RPE65: variants seen among roughly 807,000 people sequenced by gnomAD.
The protein encoded by RPE65 is retinoid isomerohydrolase RPE65.
In RPE65, 58 loss-of-function variants were observed where a neutral mutation model predicts 68.5. The observed-to-expected ratio is 0.85, with a 90% CI of 0.69 to 1.05. RPE65 has a LOEUF of 1.05. Ranked by LOEUF, RPE65 falls within the 50% of genes least tolerant of loss-of-function variation. The pLI, the probability that RPE65 is intolerant of heterozygous loss-of-function variation, is 0.00. For missense variants in RPE65, 643 were observed against 629.9 expected (o/e 1.02, Z -0.22); for synonymous variants, 220 against 222.2 (o/e 0.99, Z 0.09).
chr1:68,435,882 T>A (rs1366661601), intron 10 of RPE65, among the ~76,000 whole-genome samples: 2 of 152,190 alleles, frequency 1.3e-5, no homozygotes, highest in Non-Finnish European at 2.9e-5. Context: ...ACGGGCTCCA[T>A]GAGAACTAGA....
rs1322959376 is a variant in RPE65, at chr1:68,446,679, G to T, written c.245+31C>A. On this transcript the variant is annotated intron_variant, in intron 3 of 13. Coordinates refer to ENST00000262340, the MANE Select transcript of RPE65 (RefSeq NM_000329.3). ...GGAGCCAAGCTAGGCCCTACTTTGA[G>T]GAGGAGGAGTGGCATGGAGTGCTGC... 2.5e-6 allele frequency: 4 copies of T among 1,613,690 alleles called. No individual in the cohort carries two copies. In the South Asian group the frequency reaches 4.4e-5, roughly 18 times the overall value.
rs1645824966 is a variant in RPE65 at position 68,431,383 on chromosome 1, A to C, written c.1244-7T>G. ...ATTTGAGGAAACTCAAATGCTACGA[A>C]ATAGAGCACATGCTTAGGAAAACTC... On this transcript the variant is annotated splice_polypyrimidine_tract_variant and splice_region_variant and intron_variant, in intron 11 of 13. Coordinates refer to ENST00000262340, the MANE Select transcript of RPE65 (RefSeq NM_000329.3). 1 of 1,613,618 alleles carries C rather than the reference A, an allele frequency of 6.2e-7. No individual in the cohort carries two copies. Among genetic ancestry groups the C allele is most frequent in the Non-Finnish European group, 8.5e-7 (1 of 1,179,762 alleles).
Position 68,444,668 on chromosome 1 carries a change from A to C in RPE65, c.358T>G (p.Phe120Val), listed in dbSNP as rs1478850590. Residue 120 changes from phenylalanine (F) to valine (V), a missense_variant, in exon 5 of 14, where the codon TTT becomes GTT. Phe to Val is a conservative substitution (Grantham distance 50). Transcript: ENST00000262340. The stretch of plus-strand genomic sequence containing the variant: ...ACCTCTACTCCTCGAAAGTAAGAAA[A>C]AAACCTGTAGAAACAAATGAATTTT... ...DPCKNIFSRF[F>V]SYFRGVEVTD... 6.2e-7 allele frequency: 1 copy of C among 1,614,210 alleles called. No individual in the cohort carries two copies. The highest frequency in any genetic ancestry group is 1.3e-5 in the African/African-American group (1 of 75,054).
Position 68,431,598 on chromosome 1 carries a change from A to T in RPE65, c.1129-13T>A, listed in dbSNP as rs374162988. 6 of 1,606,508 alleles carry T rather than the reference A, an allele frequency of 3.7e-6. No homozygotes were observed. In the African/African-American group the frequency reaches 6.7e-5, roughly 18 times the overall value. ...TGCCTGTGTCAGCCTAGGAGAGAAG[A>T]TAACAGAAACCTCAGTGAGCAGGAA... On this transcript the variant is annotated splice_polypyrimidine_tract_variant and intron_variant, in intron 10 of 13. Transcript: ENST00000262340.
intron 5 of RPE65, among the ~76,000 whole-genome samples, chr1:68,441,366 A>C (rs1645901084): frequency 6.6e-6 from 1 of 152,144 alleles, no homozygotes; most frequent in Non-Finnish European, 1.5e-5. Flanking sequence ...AAGATTGCTA[A>C]CATTTAATAA....
At chr1:68,441,081 T>C (rs1645899365) in intron 5 of RPE65, 81 bp from the exon 6 acceptor site, 1 of 1,509,204 alleles carries the variant, frequency 6.6e-7, no homozygotes, top group Non-Finnish European at 9.1e-7. Flanking sequence ...AGGTCATCAC[T>C]ACCCCTTGAA....
chr1:68,442,356 A>G (rs1645909604), intron 5 of RPE65, among the ~76,000 whole-genome samples: 1 of 152,192 alleles, frequency 6.6e-6, no homozygotes, highest in African/African-American at 2.4e-5. Context: ...TTGTGAAATA[A>G]TGTGTGCTGT....
chr1:68,433,166 A>G (rs1376782735), intron 10 of RPE65, among the ~76,000 whole-genome samples: 1 of 152,164 alleles, frequency 6.6e-6, no homozygotes. Context: ...AGTTTAAGAG[A>G]AAGCTAAAAA....
chr1:68,440,695 C>T (rs550226030), intron 6 of RPE65, among the ~76,000 whole-genome samples, 158 bp downstream of exon 6: 2 of 152,136 alleles, frequency 1.3e-5, no homozygotes, highest in South Asian at 2.1e-4. Context: ...GGCATTAGGC[C>T]CCTTATAGGG....
At chr1:68,443,699 C>T (rs756257590) in intron 5 of RPE65, among the ~76,000 whole-genome samples, 3 of 152,110 alleles carry the variant, frequency 2.0e-5, no homozygotes, top group Non-Finnish European at 4.4e-5. Context: ...TTAAAAGACT[C>T]GTCATATTCT....
In RPE65 at chr1:68,439,644, T is replaced by G. The variant is rs61752891; in HGVS notation, c.644-2A>C. Reference sequence around the variant, plus strand: ...ACTTGCTTATTGGATCTTCCTTGTCTGAAATAAAGTGGTTTTAAAAGGCTT... The same window carrying G: ...ACTTGCTTATTGGATCTTCCTTGTCGGAAATAAAGTGGTTTTAAAAGGCTT... On this transcript the variant is annotated splice_acceptor_variant, in intron 6 of 13. Coordinates refer to ENST00000262340, the MANE Select transcript of RPE65 (RefSeq NM_000329.3). LOFTEE classifies it high-confidence loss of function. 1.9e-6 allele frequency: 3 copies of G among 1,613,430 alleles called. No homozygotes were observed. The African/African-American group carries it at 4.0e-5, about 22-fold the overall frequency.
intron 10 of RPE65, among the ~76,000 whole-genome samples, chr1:68,432,446 G>T (rs1305660218): frequency 6.6e-6 from 1 of 152,154 alleles, no homozygotes; most frequent in Non-Finnish European, 1.5e-5. Flanking sequence ...AGGTGGCAGA[G>T]GAGACAAAAC....
At chr1:68,434,643 A>G (rs879069016) in intron 10 of RPE65, among the ~76,000 whole-genome samples, 4 of 150,230 alleles carry the variant, frequency 2.7e-5, no homozygotes, top group Non-Finnish European at 5.9e-5. Flanking sequence ...TATGTTTAAT[A>G]TATTATTTAT....
At chr1:68,433,706 C>G (rs1027791669) in intron 10 of RPE65, among the ~76,000 whole-genome samples, 1 of 151,976 alleles carries the variant, frequency 6.6e-6, no homozygotes, top group Non-Finnish European at 1.5e-5. Flanking sequence ...AAAATGGAAC[C>G]AATTAACATG....
At chr1:68,449,672 T>G (rs1645968219) in intron 1 of RPE65, among the ~76,000 whole-genome samples, 1 of 152,164 alleles carries the variant, frequency 6.6e-6, no homozygotes, top group Non-Finnish European at 1.5e-5. Flanking sequence ...TACTCAAGAC[T>G]GCTTCCAAAC....
chr1:68,440,953 G>T lies in RPE65; in HGVS notation c.543C>A (p.Pro181=). 1.2e-6 allele frequency: 2 copies of T among 1,613,930 alleles called. No homozygotes were observed. Among genetic ancestry groups the T allele is most frequent in the Non-Finnish European group, 8.5e-7 (1 of 1,179,922 alleles). The change falls in exon 6 of 14, where the codon CCC becomes CCA. Residue 181 remains proline (P), a synonymous_variant. Coordinates refer to ENST00000262340, the MANE Select transcript of RPE65 (RefSeq NM_000329.3). ...AAACGGTTCCATCATTTTCAATGTGGGGGTGAGCAGTGGCCCCATTGACAG... is the reference window on the plus strand; with the variant it reads ...AAACGGTTCCATCATTTTCAATGTGTGGGTGAGCAGTGGCCCCATTGACAG... ...YVSVNGATAH[P]HIENDGTVYN...
intron 5 of RPE65, among the ~76,000 whole-genome samples, chr1:68,442,100 G>C (rs1645908069): frequency 1.3e-5 from 2 of 152,312 alleles, no homozygotes; most frequent in South Asian, 4.1e-4. Flanking sequence ...CACAGTTATA[G>C]AGCATTTCCA....
chr1:68,446,688 G>A, intron 3 of RPE65, 22 bp downstream of exon 3: 1 of 1,614,124 alleles, frequency 6.2e-7, no homozygotes, highest in Non-Finnish European at 8.5e-7. Context: ...AGGAGGAGGA[G>A]TGGCATGGAG....
Position 68,446,776 on chromosome 1 carries a change from A to G in RPE65, c.179T>C (p.Leu60Pro), listed in dbSNP as rs1266217912. The G allele has an allele frequency of 3.7e-6, 6 of 1,614,204 alleles. No homozygotes were observed. In the South Asian group the frequency reaches 6.6e-5, roughly 18 times the overall value. ...FEVGSEPFYH[L>P]FDGQALLHKF... ...GTGCAGGAGGGCTTGCCCATCAAAC[A>G]GGTGGTAAAATGGCTCAGATCCAAC... Residue 60 changes from leucine (L) to proline (P), a missense_variant, in exon 3 of 14, where the codon CTG becomes CCG. By Grantham distance (98) the Leu-to-Pro change is moderately conservative (BLOSUM62 -3). Coordinates refer to ENST00000262340, the MANE Select transcript of RPE65 (RefSeq NM_000329.3).
Sources: gnomAD v4.1 joint callset for allele counts (sites outside exome capture counted in the v4.1 genomes callset) on GRCh38, gnomAD v4.1.1 for gene constraint, MANE v1.5 for transcripts, NCBI Gene and HGNC (gene_info 2026-07-23, HGNC 2026-07-21) for gene names.